The following DAO variants were observed in gnomAD, a reference collection of about 807,000 sequenced individuals.
The protein encoded by DAO is D-amino acid oxidase, also known as D-amino-acid oxidase.
A neutral mutation model predicts 50.1 loss-of-function variants in DAO; 51 were observed. The ratio of observed to expected loss-of-function variants is 1.02; its 90% CI spans 0.81 to 1.29. The LOEUF is 1.29. DAO is among the 50% of genes most tolerant of loss of function. The pLI, the probability that DAO is intolerant of heterozygous loss-of-function variation, is 0.00. For synonymous variants in DAO, 160 were observed against 166.2 expected, an observed-to-expected ratio of 0.96 and a Z score of 0.29; for missense variants, 436 against 439.4, an observed-to-expected ratio of 0.99 and a Z score of 0.07.
At chr12:108,898,244 G>T (rs2039582677) in intron 8 of DAO, among the ~76,000 whole-genome samples, 1 of 152,120 alleles carries the variant, frequency 6.6e-6, no homozygotes. Context: ...AGGTGTGATT[G>T]GGAGTGGGGA....
rs1376373635 is a variant in DAO, at chr12:108,880,179, C to A, written c.-55C>A. 1 of 455,582 alleles carries A rather than the reference C, an allele frequency of 2.2e-6. No homozygotes were observed. Among genetic ancestry groups the A allele is most frequent in the Non-Finnish European group, 4.4e-6 (1 of 226,386 alleles). The allele number at this position is 455,582 out of a possible 1,614,324, so 28.2% of individuals were successfully genotyped here. A position where few individuals can be genotyped will look rare whatever the true frequency, so the allele number is the denominator to read the frequency against. On this transcript the variant is annotated 5_prime_UTR_variant, in exon 1 of 11. Transcript: ENST00000228476. The stretch of plus-strand genomic sequence containing the variant: ...CCCCTCAGGAAATAGCATCCTGTGT[C>A]CCCGCACTGCAGTTGTCTGGTCTCT...
At chr12:108,888,848 C>A (rs1031502530) in intron 3 of DAO, among the ~76,000 whole-genome samples, 2 of 152,114 alleles carry the variant, frequency 1.3e-5, no homozygotes, top group African/African-American at 4.8e-5. Flanking sequence ...TTACTCTTAC[C>A]CTTACCATAA....
chr12:108,898,353 C>T (rs1013195342), intron 8 of DAO: 4 of 374,152 alleles, frequency 1.1e-5, no homozygotes, highest in African/African-American at 8.4e-5. Flanking sequence ...GTTGCACCAA[C>T]CATGTTATCT....
chr12:108,899,738 T>C, intron 10 of DAO: 2 of 518,442 alleles, frequency 3.9e-6, no homozygotes, highest in South Asian at 4.1e-5. Context: ...ATGGTGTGAC[T>C]GGGAGTGGGG....
rs150568408 is a variant in DAO at position 108,892,743 on chromosome 12, C to T, written c.453-239C>T. 2.3e-3 allele frequency among the ~76,000 whole-genome samples: 355 copies of T among 152,294 alleles called. 2 individuals are homozygous for T. Among genetic ancestry groups the T allele is most frequent in the African/African-American group, 8.0e-3 (334 of 41,570 alleles). ...ATGGCCTTCAGCAAGGCCCTTCCCCCACTCCATCTGCCCAACAAGGGGCTT... is the reference window on the plus strand; with the variant it reads ...ATGGCCTTCAGCAAGGCCCTTCCCCTACTCCATCTGCCCAACAAGGGGCTT... On this transcript the variant is annotated intron_variant, in intron 5 of 10. Coordinates refer to ENST00000228476, the MANE Select transcript of DAO (RefSeq NM_001917.5).
intron 8 of DAO, 50 bp from the exon 9 acceptor site, chr12:108,898,629 C>A: frequency 1.6e-6 from 2 of 1,263,834 alleles, no homozygotes; most frequent in South Asian, 1.2e-5. Context: ...CTTTATTCAT[C>A]TCAGAGCCTT....
intron 7 of DAO, 47 bp from the exon 8 acceptor site, chr12:108,896,959 C>T (rs1335930013): frequency 2.8e-6 from 4 of 1,448,014 alleles, no homozygotes; most frequent in Non-Finnish European, 3.9e-6. Context: ...AGGGCAGCCA[C>T]ATTGACTCAC....
Position 108,897,059 on chromosome 12 carries a change from C to T in DAO, c.666C>T (p.Gly222=). The T allele has an allele frequency of 6.2e-7, 1 of 1,613,928 alleles. No homozygotes were observed. Among genetic ancestry groups the T allele is most frequent in the Non-Finnish European group, 8.5e-7 (1 of 1,179,856 alleles). ...TTCTCACCCATGACCCAGAGAGAGG[C>T]ATCTACAATTCCCCGTACATCATCC... ...HFILTHDPER[G]IYNSPYIIPG... Residue 222 remains glycine, a synonymous_variant, in exon 8 of 11, where the codon GGC becomes GGT. Coordinates refer to ENST00000228476, the MANE Select transcript of DAO (RefSeq NM_001917.5).
chr12:108,895,488 G>A (rs1270676888), intron 7 of DAO, among the ~76,000 whole-genome samples: 1 of 146,120 alleles, frequency 6.8e-6, no homozygotes, highest in East Asian at 2.1e-4. Context: ...TGTATGTGAG[G>A]GTGTATGTGC....
chr12:108,898,734 A>G lies in DAO; in HGVS notation c.751A>G (p.Asn251Asp), dbSNP rs750476368. The G allele has an allele frequency of 6.2e-7, 1 of 1,614,146 alleles. No homozygotes were observed. The highest frequency in any genetic ancestry group is 8.5e-7 in the Non-Finnish European group (1 of 1,180,014). Residue 251 changes from asparagine to aspartate, a missense_variant, in exon 9 of 11, where the codon AAC (asparagine) becomes GAC (aspartate). By Grantham distance (23) the Asn-to-Asp change is conservative. Transcript: ENST00000228476. ...CCAGTTGGGAAACTGGAGTGAACTA[A>G]ACAATATCCAGGACCACAACACCAT... Reference protein sequence around the residue: ...IFQLGNWSELNNIQDHNTIWE... With the variant: ...IFQLGNWSELDNIQDHNTIWE...
At chr12:108,883,562 C>T in intron 1 of DAO, 1 of 454,430 alleles carries the variant, frequency 2.2e-6, no homozygotes, top group Admixed American at 2.4e-5. Context: ...GGCGTGGTAC[C>T]AAGAACTTTT....
rs561506436 is a variant in DAO, at chr12:108,885,999, A to G, written c.194+799A>G. 1.0e-2 allele frequency among the ~76,000 whole-genome samples: 1,506 copies of G among 151,300 alleles called. 31 individuals are homozygous for G. The highest frequency in any genetic ancestry group is 0.036 in the African/African-American group (1,468 of 41,154). ...ACTCCTGACCTCAAGTGATCTGCCC[A>G]CCTTGACCTCCCAAAGTGCTGGGAT... On this transcript the variant is annotated intron_variant, in intron 2 of 10. Transcript: ENST00000228476.
At chr12:108,885,330 CA>C in intron 2 of DAO, 130 bp downstream of exon 2, 1 of 922,474 alleles carries the variant, frequency 1.1e-6, no homozygotes, top group Non-Finnish European at 1.7e-6. Flanking sequence ...AAGAAAATGC[CA>C]GGCGTGGTGG....
At position 108,889,458 on chromosome 12, in the gene DAO, T is replaced by A. The variant is rs772005891; in HGVS notation, c.310-11T>A. 3 of 1,606,670 alleles carry A rather than the reference T, an allele frequency of 1.9e-6. No individual in the cohort carries two copies. In the East Asian group the frequency reaches 6.7e-5, roughly 36 times the overall value. On this transcript the variant is annotated splice_polypyrimidine_tract_variant and intron_variant, in intron 3 of 10. Coordinates refer to ENST00000228476, the MANE Select transcript of DAO (RefSeq NM_001917.5). ...ATCCCACCCAGTGCCCCCTTTGTCC[T>A]TCCTCTTCAGGACCCTTCCTGGAAG...
chr12:108,898,410 A>G (rs1340508162), intron 8 of DAO: 5 of 456,668 alleles, frequency 1.1e-5, no homozygotes, highest in South Asian at 2.0e-5. Context: ...ATCAATGGCA[A>G]TGTTAGTGGT....
At chr12:108,883,809 T>G in intron 1 of DAO, 3 of 346,238 alleles carry the variant, frequency 8.7e-6, no homozygotes, top group Non-Finnish European at 1.8e-5. Flanking sequence ...TATCTCCAAC[T>G]TGGCTTCTGA....
At chr12:108,882,616 G>C (rs2039393130) in intron 1 of DAO, among the ~76,000 whole-genome samples, 1 of 152,178 alleles carries the variant, frequency 6.6e-6, no homozygotes, top group Non-Finnish European at 1.5e-5. Context: ...TAGTCTGAAA[G>C]TCTGCATCCT....
At chr12:108,894,512 A>C (rs955729691) in intron 7 of DAO, 145 bp downstream of exon 7, 1 of 683,330 alleles carries the variant, frequency 1.5e-6, no homozygotes, top group Admixed American at 2.4e-5. Flanking sequence ...TAAAAAAAAC[A>C]AACCTGTCCC....
intron 1 of DAO, among the ~76,000 whole-genome samples, chr12:108,881,194 AC>A (rs2137334011): frequency 6.6e-6 from 1 of 150,696 alleles, no homozygotes; most frequent in Non-Finnish European, 1.5e-5. Flanking sequence ...ACACACACAC[AC>A]ACAAATATAA....
Sources: allele counts gnomAD v4.1 joint callset (sites outside exome capture counted in the v4.1 genomes callset), GRCh38; gene constraint gnomAD v4.1.1; transcripts MANE v1.5; gene names NCBI Gene and HGNC (gene_info 2026-07-23, HGNC 2026-07-21).